Variants in BLZF1 observed in about 807,000 individuals in gnomAD.
The protein encoded by BLZF1 is golgin-45.
BLZF1 carries 39 observed loss-of-function variants against 43.8 expected under a neutral mutation model. That is an observed-to-expected ratio of 0.89 (90% CI 0.69 to 1.16). The LOEUF is 1.16. Among genes scored for constraint, BLZF1 ranks in the 50% most tolerant of loss-of-function variants. The pLI, the probability that BLZF1 is intolerant of heterozygous loss-of-function variation, is 0.00. For missense variants in BLZF1, 449 were observed against 469.8 expected (o/e 0.96, Z 0.41); for synonymous variants, 136 against 159.4 (o/e 0.85, Z 1.11).
intron 4 of BLZF1, among the ~76,000 whole-genome samples, chr1:169,379,955 A>G (rs1654474303): frequency 6.6e-6 from 1 of 151,994 alleles, no homozygotes; most frequent in Non-Finnish European, 1.5e-5. Context: ...TTTTTAACAC[A>G]TGTATATGTT....
intron 2 of BLZF1, among the ~76,000 whole-genome samples, chr1:169,371,406 A>G (rs1416995598): frequency 6.6e-6 from 1 of 152,240 alleles, no homozygotes; most frequent in Non-Finnish European, 1.5e-5. Flanking sequence ...GTTATAAGGC[A>G]CTTTAACAAA....
At chr1:169,391,045 G>GTA (rs1343406770), downstream of BLZF1, among the ~76,000 whole-genome samples, 1 of 152,080 alleles carries the variant, frequency 6.6e-6, no homozygotes, top group Non-Finnish European at 1.5e-5. Context: ...AGTTTACATG[G>GTA]TATCAAAAGG....
downstream of BLZF1, among the ~76,000 whole-genome samples, chr1:169,393,225 G>T (rs1302279708): frequency 6.6e-6 from 1 of 152,048 alleles, no homozygotes; most frequent in Non-Finnish European, 1.5e-5. Flanking sequence ...ACTGAGTATT[G>T]AGAGTATACA....
chr1:169,395,757 C>T (rs1340811178), intron 7 of BLZF1: 1 of 152,012 alleles, frequency 6.6e-6, no homozygotes, highest in African/African-American at 2.4e-5. Context: ...AAGTCTTAAA[C>T]CTTGTTTAAA....
chr1:169,383,883 A>T (rs1032991919), intron 6 of BLZF1, among the ~76,000 whole-genome samples: 3 of 150,970 alleles, frequency 2.0e-5, no homozygotes, highest in Admixed American at 6.6e-5. Flanking sequence ...TCTTCCTGTG[A>T]CCCCTCTTGA....
intron 5 of BLZF1, among the ~76,000 whole-genome samples, 164 bp from the exon 6 acceptor site, chr1:169,381,898 A>G (rs917699112): frequency 3.3e-5 from 5 of 152,212 alleles, no homozygotes; most frequent in South Asian, 2.1e-4. Flanking sequence ...TCTGTAGTCT[A>G]ACTTACTTGA....
intron 3 of BLZF1, 60 bp downstream of exon 3, chr1:169,377,039 G>T (rs200435067): frequency 1.5e-6 from 2 of 1,346,986 alleles, no homozygotes; most frequent in South Asian, 1.3e-5. Context: ...CCTTTTAAAC[G>T]TGCATGTTAG....
chr1:169,375,343 A>T (rs1654263632), intron 2 of BLZF1, among the ~76,000 whole-genome samples: 1 of 86,836 alleles, frequency 1.2e-5, no homozygotes, highest in African/African-American at 3.8e-5. Context: ...TATATATATA[A>T]AACATATATA....
intron 2 of BLZF1, among the ~76,000 whole-genome samples, chr1:169,375,457 A>G (rs1240793059): frequency 7.2e-6 from 1 of 139,284 alleles, no homozygotes; most frequent in Non-Finnish European, 1.5e-5. Context: ...TGATGAATTC[A>G]CTGAAGACCA....
At chr1:169,375,407 T>TATATAAAAC (rs1251288311) in intron 2 of BLZF1, among the ~76,000 whole-genome samples, 1 of 84,910 alleles carries the variant, frequency 1.2e-5, no homozygotes, top group African/African-American at 4.4e-5. Context: ...TATATATATA[T>TATATAAAAC]ATATATATAT....
At chr1:169,371,773 T>C (rs1007463446) in intron 2 of BLZF1, among the ~76,000 whole-genome samples, 1 of 152,146 alleles carries the variant, frequency 6.6e-6, no homozygotes, top group African/African-American at 2.4e-5. Context: ...GGGATTAAAA[T>C]TGAAAATAAA....
intron 1 of BLZF1, among the ~76,000 whole-genome samples, chr1:169,368,935 A>G (rs751638102): frequency 1.3e-5 from 2 of 152,188 alleles, no homozygotes; most frequent in Non-Finnish European, 2.9e-5. Context: ...TTCTGAAAGC[A>G]TGGGCTCGAT....
At chr1:169,375,228 A>G (rs571411834) in intron 2 of BLZF1, among the ~76,000 whole-genome samples, 9 of 151,432 alleles carry the variant, frequency 5.9e-5, no homozygotes, top group Admixed American at 2.6e-4. Context: ...TATTCTAGCC[A>G]TAAAATAAAA....
At chr1:169,379,195 A>G (rs533638944) in intron 4 of BLZF1, among the ~76,000 whole-genome samples, 1 of 152,158 alleles carries the variant, frequency 6.6e-6, no homozygotes, top group Admixed American at 6.6e-5. Flanking sequence ...TACTTTATAG[A>G]GTATGTTTCA....
At chr1:169,380,331 G>A in intron 4 of BLZF1, 150 bp from the exon 5 acceptor site, 1 of 616,236 alleles carries the variant, frequency 1.6e-6, no homozygotes, top group Non-Finnish European at 2.6e-6. Flanking sequence ...CATTTTTAAT[G>A]CTCTTTAGCT....
chr1:169,383,537 TC>T (rs1654585144), intron 6 of BLZF1, among the ~76,000 whole-genome samples: 2 of 152,198 alleles, frequency 1.3e-5, no homozygotes, highest in Admixed American at 6.5e-5. Context: ...CATCCATTCC[TC>T]AATTCCTACC....
chr1:169,389,834 AAGTC>A (rs932830128), downstream of BLZF1, among the ~76,000 whole-genome samples: 5 of 152,110 alleles, frequency 3.3e-5, no homozygotes, highest in Non-Finnish European at 5.9e-5. Flanking sequence ...TAAGTGAAAT[AAGTC>A]AGACACAAAA....
chr1:169,382,086 C>T lies in BLZF1; in HGVS notation c.822C>T (p.Ser274=), dbSNP rs1654542825. Residue 274 remains serine, a synonymous_variant, in exon 6 of 7, where the codon TCC becomes TCT. Coordinates refer to ENST00000367808, the MANE Select transcript of BLZF1 (RefSeq NM_001320973.2). The part of the protein sequence containing the change: ...TQKLLEELLV[S]LQWGREQTYS... ...GATTATTGGAGGAGCTCTTAGTTTC[C>T]TTGCAATGGGGAAGAGAGCAAACTT... is the stretch of plus-strand genomic sequence containing the variant. 1 of 1,613,540 alleles carries T rather than the reference C, an allele frequency of 6.2e-7. No homozygotes were observed. Among genetic ancestry groups the T allele is most frequent in the Non-Finnish European group, 8.5e-7 (1 of 1,179,594 alleles).
At chr1:169,375,064 AATTT>A (rs978947505) in intron 2 of BLZF1, among the ~76,000 whole-genome samples, 12 of 152,000 alleles carry the variant, frequency 7.9e-5, no homozygotes, top group African/African-American at 2.9e-4. Flanking sequence ...TATGCTTGGG[AATTT>A]ATTTGAAAAA....
Sources: gnomAD v4.1 joint callset for allele counts (sites outside exome capture counted in the v4.1 genomes callset) on GRCh38, gnomAD v4.1.1 for gene constraint, MANE v1.5 for transcripts, NCBI Gene and HGNC (gene_info 2026-07-23, HGNC 2026-07-21) for gene names.